The following RIC3 variants were observed in gnomAD, a reference collection of about 807,000 sequenced individuals.
RIC3 encodes the protein protein RIC-3.
In RIC3, 28 loss-of-function variants were observed where a neutral mutation model predicts 27.3. That is an observed-to-expected ratio of 1.02 (90% CI 0.76 to 1.41). The LOEUF (loss-of-function observed/expected upper bound fraction) is 1.41, where lower values mean the gene tolerates loss of function less well. RIC3 is among the 40% of genes most tolerant of loss of function. RIC3 has a pLI of 0.00. For synonymous variants in RIC3, 184 were observed against 160.4 expected, an observed-to-expected ratio of 1.15 and a Z score of -1.11; for missense variants, 501 against 444.7, an observed-to-expected ratio of 1.13 and a Z score of -1.14.
intron 1 of RIC3, among the ~76,000 whole-genome samples, chr11:8,151,360 G>T (rs1367260448): frequency 1.3e-5 from 2 of 151,956 alleles, no homozygotes; most frequent in East Asian, 3.9e-4. Flanking sequence ...GGCCGAGACG[G>T]GCGGATCACG....
downstream of RIC3, chr11:8,101,667 C>T: frequency 6.2e-7 from 1 of 1,600,174 alleles, no homozygotes; most frequent in Non-Finnish European, 8.5e-7. Flanking sequence ...GCGGAGCTTG[C>T]CTGCCTGCCT....
chr11:8,121,713 C>G (rs1256928224), intron 5 of RIC3, among the ~76,000 whole-genome samples: 2 of 151,256 alleles, frequency 1.3e-5, no homozygotes, highest in Non-Finnish European at 2.9e-5. Context: ...AAGCAAGCCT[C>G]TGTCTCAAAA....
At chr11:8,100,904 T>C in the RIC3 span, 1 of 1,614,192 alleles carries the variant, frequency 6.2e-7, no homozygotes, top group Non-Finnish European at 8.5e-7. Context: ...GACACCTGTC[T>C]GGAATGATGA....
chr11:8,097,641 G>A, the RIC3 span: 2 of 1,388,746 alleles, frequency 1.4e-6, no homozygotes, highest in South Asian at 1.3e-5. Context: ...GAGAGAGTCT[G>A]TGTGAGTGGC....
At chr11:8,103,249 G>A (rs1416902318), downstream of RIC3, 2 of 152,200 alleles carry the variant, frequency 1.3e-5, no homozygotes, top group African/African-American at 4.8e-5. Context: ...TGCAGGCTTG[G>A]GAACTGTAAG....
chr11:8,131,218 C>A (rs754378930), intron 4 of RIC3, among the ~76,000 whole-genome samples: 3 of 152,140 alleles, frequency 2.0e-5, no homozygotes, highest in Admixed American at 6.5e-5. Flanking sequence ...GAAGGATAAT[C>A]CCTGACCTCA....
intron 5 of RIC3, among the ~76,000 whole-genome samples, chr11:8,112,269 A>ATTTTC (rs554268072): frequency 3.9e-4 from 58 of 148,714 alleles, no homozygotes; most frequent in Middle Eastern, 6.9e-3. Flanking sequence ...ATACACATAT[A>ATTTTC]TTTTCTTTTC....
downstream of RIC3, chr11:8,102,226 G>T (rs190970766): frequency 6.6e-6 from 1 of 152,366 alleles, no homozygotes. Flanking sequence ...GACCCTGTCA[G>T]GATTGCAGGT....
At position 8,141,139 on chromosome 11, in the gene RIC3, C is replaced by T. The variant is rs548971065; in HGVS notation, c.125-946G>A. ...CTGCATCAACTAACGAGCAAAATCACCAGCTAACATCATAATGACAGGATC... is the reference window on the plus strand; with the variant it reads ...CTGCATCAACTAACGAGCAAAATCATCAGCTAACATCATAATGACAGGATC... On this transcript the variant is annotated intron_variant, in intron 1 of 5. Transcript: ENST00000309737. 1.3e-4 allele frequency among the ~76,000 whole-genome samples: 19 copies of T among 148,912 alleles called. No individual in the cohort carries two copies. The East Asian group carries it at 1.4e-3, about 11-fold the overall frequency.
intron 1 of RIC3, among the ~76,000 whole-genome samples, chr11:8,166,934 G>A (rs1261781360): frequency 6.6e-6 from 1 of 151,530 alleles, no homozygotes; most frequent in African/African-American, 2.4e-5. Flanking sequence ...AGGGAGGGAG[G>A]GACAGAGGGA....
chr11:8,112,254 C>G (rs955023802), intron 5 of RIC3, among the ~76,000 whole-genome samples: 1 of 151,412 alleles, frequency 6.6e-6, no homozygotes, highest in African/African-American at 2.4e-5. Context: ...TTTTTTTAAC[C>G]GTATATACAC....
chr11:8,097,130 T>C, the RIC3 span: 3 of 1,372,860 alleles, frequency 2.2e-6, no homozygotes, highest in Non-Finnish European at 2.0e-6. Flanking sequence ...CTTCCCTCTC[T>C]CCCACCGCCA....
rs868108293 is a variant in RIC3 at position 8,141,548 on chromosome 11, A to C, written c.125-1355T>G. Reference sequence around the variant, plus strand: ...TAAAGCAAGTCCTGAGTGACCTACAAAGAGACTTAGACTCCCACACATTAA... The same window carrying C: ...TAAAGCAAGTCCTGAGTGACCTACACAGAGACTTAGACTCCCACACATTAA... On this transcript the variant is annotated intron_variant, in intron 1 of 5. Coordinates refer to ENST00000309737, the MANE Select transcript of RIC3 (RefSeq NM_001206671.4). Among the ~76,000 whole-genome samples, 802 of 151,428 alleles carry C rather than the reference A, an allele frequency of 5.3e-3. 7 individuals carry two copies. Among genetic ancestry groups the C allele is most frequent in the African/African-American group, 0.018 (736 of 41,346 alleles).
intron 1 of RIC3, among the ~76,000 whole-genome samples, chr11:8,160,916 C>G (rs1951104654): frequency 6.6e-6 from 1 of 152,204 alleles, no homozygotes; most frequent in African/African-American, 2.4e-5. Context: ...TCATCTTACA[C>G]CTGTAAACCA....
intron 4 of RIC3, among the ~76,000 whole-genome samples, chr11:8,128,728 A>G (rs946214335): frequency 7.2e-5 from 9 of 124,144 alleles, no homozygotes; most frequent in African/African-American, 2.4e-4. Flanking sequence ...CCGTTCTATC[A>G]TTTTATGAAA....
the RIC3 span, chr11:8,098,722 G>A: frequency 6.7e-7 from 1 of 1,487,648 alleles, no homozygotes; most frequent in Non-Finnish European, 9.4e-7. Context: ...GGGGCAGAGG[G>A]TGCATGACTC....
At chr11:8,128,370 T>C (rs1387633069) in intron 4 of RIC3, 6 of 422,698 alleles carry the variant, frequency 1.4e-5, no homozygotes, top group South Asian at 5.2e-5. Flanking sequence ...AGAGGATGGG[T>C]AGACTACAGG....
chr11:8,157,529 C>T (rs955129564), intron 1 of RIC3, among the ~76,000 whole-genome samples: 2 of 152,322 alleles, frequency 1.3e-5, no homozygotes, highest in East Asian at 3.9e-4. Flanking sequence ...TGTTCAACTA[C>T]AGGTGTGTTC....
chr11:8,142,945 G>A (rs1949237014), intron 1 of RIC3, among the ~76,000 whole-genome samples: 1 of 91,548 alleles, frequency 1.1e-5, no homozygotes, highest in Non-Finnish European at 1.8e-5. Flanking sequence ...TATCTCAATA[G>A]ATGCAGAAAA....
Sources: gnomAD v4.1 joint callset for allele counts (sites outside exome capture counted in the v4.1 genomes callset) on GRCh38, gnomAD v4.1.1 for gene constraint, MANE v1.5 for transcripts, NCBI Gene and HGNC (gene_info 2026-07-23, HGNC 2026-07-21) for gene names.